The following MMADHC variants were observed in gnomAD, a reference collection of about 807,000 sequenced individuals.
MMADHC encodes cobalamin trafficking protein CblD.
A neutral mutation model predicts 36.3 loss-of-function variants in MMADHC; 23 were observed. The observed-to-expected ratio is 0.63, with a 90% confidence interval of 0.46 to 0.90. MMADHC has a LOEUF of 0.90. MMADHC is among the 40% of genes least tolerant of loss of function. The pLI is 0.00. For synonymous variants in MMADHC, 97 were observed against 116.1 expected, an observed-to-expected ratio of 0.84 and a Z score of 1.06; for missense variants, 330 against 348.0, an observed-to-expected ratio of 0.95 and a Z score of 0.41.
At position 149,579,660 on chromosome 2, in the gene MMADHC, C is replaced by A; in HGVS notation, c.155-12G>T. ...CACTGTTCGAGAGCCTGAAGAGAAA[C>A]AACAAAAGGAACAGTTTCTCCTTAA... On this transcript the variant is annotated splice_polypyrimidine_tract_variant and intron_variant, in intron 3 of 7. Coordinates refer to ENST00000303319, the MANE Select transcript of MMADHC (RefSeq NM_015702.3). The A allele has an allele frequency of 6.2e-7, 1 of 1,609,266 alleles. No individual in the cohort carries two copies. The highest frequency in any genetic ancestry group is 1.1e-5 in the South Asian group (1 of 90,814).
At chr2:149,587,050 G>A in intron 2 of MMADHC, 39 bp downstream of exon 2, 2 of 1,603,586 alleles carry the variant, frequency 1.2e-6, no homozygotes, top group South Asian at 1.1e-5. Context: ...ATTCCCAAAC[G>A]AGTTTACTAT....
intron 3 of MMADHC, among the ~76,000 whole-genome samples, chr2:149,581,673 A>G (rs1682796035): frequency 6.6e-6 from 1 of 152,214 alleles, no homozygotes. Context: ...CAGGTTTTTC[A>G]AGAAAGGGAC....
intron 6 of MMADHC, among the ~76,000 whole-genome samples, chr2:149,571,648 C>T (rs886208502): frequency 5.9e-5 from 9 of 151,894 alleles, no homozygotes; most frequent in Non-Finnish European, 1.2e-4. Context: ...GGTGTGGTGG[C>T]GGGCGCCTGT....
intron 2 of MMADHC, among the ~76,000 whole-genome samples, chr2:149,582,941 T>C (rs553565287): frequency 6.6e-6 from 1 of 152,330 alleles, no homozygotes; most frequent in Admixed American, 6.5e-5. Context: ...AATGCAGGGA[T>C]TGGCGAACGA....
chr2:149,575,870 GA>G (rs1269166596), intron 5 of MMADHC, 29 bp from the exon 6 acceptor site: 1 of 1,529,616 alleles, frequency 6.5e-7, no homozygotes, highest in South Asian at 1.2e-5. Flanking sequence ...ATTCCAGGTA[GA>G]AAAGAATTTG....
chr2:149,572,798 C>T (rs1311446186), intron 6 of MMADHC, among the ~76,000 whole-genome samples: 1 of 152,108 alleles, frequency 6.6e-6, no homozygotes, highest in Non-Finnish European at 1.5e-5. Context: ...ATGTGTCACG[C>T]AGTGCTGGGA....
Position 149,587,236 on chromosome 2 carries a change from G to A in MMADHC, c.-52-87C>T, listed in dbSNP as rs915671096. 2.5e-5 allele frequency: 21 copies of A among 830,250 alleles called. 1 individual carries two copies. The highest frequency in any genetic ancestry group is 4.4e-4 in the Middle Eastern group (2 of 4,544). 51.4% of individuals were successfully genotyped at this position (830,250 alleles called of 1,614,324 possible). A position where few individuals can be genotyped will look rare whatever the true frequency, so the allele number is the denominator to read the frequency against. ...GGTAACGTCCACTCTTCGAAGGTGTGTCGTCCACCACGTCAGGACCAAAGT... is the reference window on the plus strand; with the variant it reads ...GGTAACGTCCACTCTTCGAAGGTGTATCGTCCACCACGTCAGGACCAAAGT... On this transcript the variant is annotated intron_variant, in intron 1 of 7. Coordinates refer to ENST00000303319, the MANE Select transcript of MMADHC (RefSeq NM_015702.3).
chr2:149,574,325 G>C (rs557752788), intron 6 of MMADHC, among the ~76,000 whole-genome samples: 18 of 152,160 alleles, frequency 1.2e-4, no homozygotes, highest in South Asian at 1.0e-3. Context: ...TTGTTAATTA[G>C]TATATAACTA....
At chr2:149,584,146 T>G (rs1056475906) in intron 2 of MMADHC, among the ~76,000 whole-genome samples, 1 of 152,134 alleles carries the variant, frequency 6.6e-6, no homozygotes, top group African/African-American at 2.4e-5. Flanking sequence ...ATAATACAAA[T>G]TTACCTTTAC....
At chr2:149,586,185 G>A (rs1682866272) in intron 2 of MMADHC, among the ~76,000 whole-genome samples, 1 of 152,152 alleles carries the variant, frequency 6.6e-6, no homozygotes, top group African/African-American at 2.4e-5. Flanking sequence ...CTAGCACACA[G>A]CTCTAAGTGA....
intron 6 of MMADHC, among the ~76,000 whole-genome samples, chr2:149,571,679 C>A (rs984645456): frequency 6.6e-6 from 1 of 151,714 alleles, no homozygotes; most frequent in Admixed American, 6.6e-5. Flanking sequence ...ACTCGGGAGG[C>A]TGAGGCAGGA....
intron 2 of MMADHC, 116 bp downstream of exon 2, chr2:149,586,973 G>C: frequency 2.8e-6 from 3 of 1,075,910 alleles, no homozygotes; most frequent in South Asian, 2.6e-5. Flanking sequence ...TGACATTTTT[G>C]ATACATTATA....
intron 1 of MMADHC, 83 bp downstream of exon 1, chr2:149,587,581 G>A (rs1258685281): frequency 5.0e-6 from 1 of 198,766 alleles, no homozygotes; most frequent in Non-Finnish European, 1.1e-5. Context: ...CAGGGACCCA[G>A]TGAAAATACG....
intron 3 of MMADHC, among the ~76,000 whole-genome samples, chr2:149,580,559 T>C (rs1433147046): frequency 1.3e-5 from 2 of 152,136 alleles, no homozygotes; most frequent in East Asian, 3.9e-4. Context: ...AGAGTAGAGA[T>C]CTGGGCTTAG....
chr2:149,571,764 A>G (rs1682643749), intron 6 of MMADHC, among the ~76,000 whole-genome samples: 2 of 148,558 alleles, frequency 1.3e-5, no homozygotes, highest in Admixed American at 6.8e-5. Context: ...TGGGCGACAG[A>G]GCGAGACTCC....
intron 2 of MMADHC, among the ~76,000 whole-genome samples, chr2:149,582,859 T>TTTCA (rs1682813946): frequency 6.6e-6 from 1 of 151,850 alleles, no homozygotes; most frequent in South Asian, 2.1e-4. Context: ...TGTAAATATC[T>TTTCA]TTCATTCATA....
rs573576440 is a variant in MMADHC, at chr2:149,576,035, G to A, written c.479-194C>T. ...CTTAGTTTTGTTTACTTCTGCTTTT[G>A]TTGGATGAACTGAAATATTACTACC... On this transcript the variant is annotated intron_variant, in intron 5 of 7. Transcript: ENST00000303319. Among the ~76,000 whole-genome samples, 3 of 152,180 alleles carry A rather than the reference G, an allele frequency of 2.0e-5. No individual in the cohort carries two copies. The East Asian group carries it at 5.8e-4, about 29-fold the overall frequency.
rs185924056 is a variant in MMADHC at position 149,576,410 on chromosome 2, T to A, written c.478+27A>T. ...AACATATTAAAAAAATTAGTAACAG[T>A]GTTTCAAAGTATAAAGCATGACATA... On this transcript the variant is annotated intron_variant, in intron 5 of 7. Transcript: ENST00000303319. The A allele has an allele frequency of 2.0e-3, 2,906 of 1,433,954 alleles. 58 individuals carry two copies. The African/African-American group carries it at 0.035, about 17-fold the overall frequency. 88.8% of individuals were successfully genotyped at this position (1,433,954 alleles called of 1,614,324 possible).
In MMADHC at chr2:149,569,768, G is replaced by A; in HGVS notation, c.*206C>T. The A allele has an allele frequency of 5.6e-6, 3 of 538,310 alleles. No homozygotes were observed. In the South Asian group the frequency reaches 6.7e-5, roughly 12 times the overall value. The allele number at this position is 538,310 out of a possible 1,614,324, so 33.3% of individuals were successfully genotyped here. On this transcript the variant is annotated 3_prime_UTR_variant, in exon 8 of 8. Transcript: ENST00000303319. ...CTAATTACCACATCCTATACAATGT[G>A]GATGTGTTCAACGTGTATTCAATGA...
Sources: gnomAD v4.1 joint callset for allele counts (sites outside exome capture counted in the v4.1 genomes callset) on GRCh38, gnomAD v4.1.1 for gene constraint, MANE v1.5 for transcripts, NCBI Gene and HGNC (gene_info 2026-07-23, HGNC 2026-07-21) for gene names.